Variants in RGS7 observed in about 807,000 individuals in gnomAD.
RGS7 encodes the protein regulator of G-protein signaling 7.
Under a neutral mutation model 81.1 loss-of-function variants are expected in RGS7, and 27 were observed. That is an observed-to-expected ratio of 0.33 (90% CI 0.25 to 0.46). The LOEUF is 0.46. RGS7 is among the 20% of genes least tolerant of loss of function. The pLI is 1.00. For synonymous variants in RGS7, 208 were observed against 207.7 expected, an observed-to-expected ratio of 1.00 and a Z score of -0.01; for missense variants, 396 against 607.4, an observed-to-expected ratio of 0.65 and a Z score of 3.66.
intron 3 of RGS7, among the ~76,000 whole-genome samples, chr1:241,034,401 G>A (rs1269153848): frequency 8.5e-5 from 13 of 152,170 alleles, no homozygotes. Context: ...AAGTATCACA[G>A]GGCAGGGGAA....
chr1:240,889,506 C>G (rs1004369852), intron 6 of RGS7, among the ~76,000 whole-genome samples: 12 of 152,078 alleles, frequency 7.9e-5, no homozygotes, highest in African/African-American at 2.4e-4. Flanking sequence ...GGTTCGCTAT[C>G]GCAATGGAAA....
At chr1:240,907,052 G>A (rs925654051) in intron 6 of RGS7, among the ~76,000 whole-genome samples, 17 of 152,124 alleles carry the variant, frequency 1.1e-4, no homozygotes, top group African/African-American at 4.1e-4. Flanking sequence ...ATCTTGGCTT[G>A]GTGATTCCTG....
chr1:240,946,401 G>A (rs927593337), intron 4 of RGS7, among the ~76,000 whole-genome samples: 3 of 152,040 alleles, frequency 2.0e-5, no homozygotes, highest in African/African-American at 7.2e-5. Flanking sequence ...CTAGGAGTTC[G>A]AGACCAGCCT....
intron 2 of RGS7, among the ~76,000 whole-genome samples, chr1:241,139,106 C>G (rs959687978): frequency 2.6e-5 from 4 of 152,006 alleles, no homozygotes; most frequent in African/African-American, 9.7e-5. Flanking sequence ...TTAGGTTCAT[C>G]TATGTTGTAG....
intron 4 of RGS7, among the ~76,000 whole-genome samples, chr1:240,960,160 C>CAAA (rs112575284): frequency 7.6e-6 from 1 of 131,898 alleles, no homozygotes. Context: ...CCCCCAACAC[C>CAAA]AAAAAAAAAA....
chr1:240,981,877 C>T (rs1277400706), intron 4 of RGS7, among the ~76,000 whole-genome samples: 1 of 152,122 alleles, frequency 6.6e-6, no homozygotes, highest in Non-Finnish European at 1.5e-5. Context: ...ACTGTTAATT[C>T]TAAACCATTT....
At chr1:240,849,515 T>A (rs899324545) in intron 9 of RGS7, among the ~76,000 whole-genome samples, 4 of 152,238 alleles carry the variant, frequency 2.6e-5, no homozygotes, top group African/African-American at 9.6e-5. Context: ...ATTTGTCTCC[T>A]CCAAATCTCA....
chr1:240,827,189 A>G lies in RGS7; in HGVS notation c.610-17T>C. The G allele has an allele frequency of 6.3e-7, 1 of 1,592,368 alleles. No homozygotes were observed. Among genetic ancestry groups the G allele is most frequent in the Non-Finnish European group, 8.6e-7 (1 of 1,160,196 alleles). ...ACATCCAGGCTGGGAATGGAAAAACAGAGAGACAAATGAATCTTTGGGTGT... is the reference window on the plus strand; with the variant it reads ...ACATCCAGGCTGGGAATGGAAAAACGGAGAGACAAATGAATCTTTGGGTGT... On this transcript the variant is annotated splice_polypyrimidine_tract_variant and intron_variant, in intron 9 of 18. Coordinates refer to ENST00000440928, the MANE Select transcript of RGS7 (RefSeq NM_001364886.1).
At chr1:241,096,234 A>C (rs2064244566) in intron 3 of RGS7, among the ~76,000 whole-genome samples, 1 of 152,208 alleles carries the variant, frequency 6.6e-6, no homozygotes, top group South Asian at 2.1e-4. Context: ...GAAAGCCAGC[A>C]GTCCGTTGCG....
intron 3 of RGS7, among the ~76,000 whole-genome samples, chr1:241,063,657 C>A (rs2061867997): frequency 6.6e-6 from 1 of 152,210 alleles, no homozygotes; most frequent in South Asian, 2.1e-4. Context: ...TATTTTCCAA[C>A]ATGTAACAAT....
intron 3 of RGS7, among the ~76,000 whole-genome samples, chr1:241,064,392 C>A (rs1340232541): frequency 4.2e-5 from 6 of 142,836 alleles, no homozygotes; most frequent in African/African-American, 1.6e-4. Context: ...TGGAGAACAG[C>A]CTGGGCAAGA....
chr1:240,945,793 T>C lies in RGS7; in HGVS notation c.227-9087A>G, dbSNP rs186242242. On this transcript the variant is annotated intron_variant, in intron 4 of 18. Coordinates refer to ENST00000440928, the MANE Select transcript of RGS7 (RefSeq NM_001364886.1). ...CTTTTGAATAATCTTTACAGCAAAG[T>C]ATCATTTTAAAAATCCTAGTTTATA... Among the ~76,000 whole-genome samples the C allele has an allele frequency of 1.3e-3, 199 of 152,328 alleles. 2 individuals carry two copies. The highest frequency in any genetic ancestry group is 4.6e-3 in the African/African-American group (191 of 41,578).
intron 2 of RGS7, among the ~76,000 whole-genome samples, chr1:241,147,858 G>A (rs1429212508): frequency 7.0e-5 from 8 of 114,292 alleles, no homozygotes; most frequent in East Asian, 2.8e-4. Context: ...CTCAAAATAC[G>A]TTATTTTCTT....
At chr1:241,304,787 A>G (rs1161141838) in intron 2 of RGS7, among the ~76,000 whole-genome samples, 1 of 152,234 alleles carries the variant, frequency 6.6e-6, no homozygotes, top group African/African-American at 2.4e-5. Context: ...GAAGTCTAAG[A>G]AAAAATATAT....
chr1:240,822,960 T>G lies in RGS7; in HGVS notation c.684+4138A>C, dbSNP rs1179637427. The G allele has an allele frequency of 6.1e-5, 29 of 475,802 alleles. No individual in the cohort carries two copies. In the Admixed American group the frequency reaches 9.5e-4, roughly 16 times the overall value. The allele number at this position is 475,802 out of a possible 1,614,324, so 29.5% of individuals were successfully genotyped here. On this transcript the variant is annotated intron_variant, in intron 10 of 18. Coordinates refer to ENST00000440928, the MANE Select transcript of RGS7 (RefSeq NM_001364886.1). ...AAACAGTGAACGAATAAATAATACA[T>G]TTTTTTTCATCAGGGGCTATTCATC...
At chr1:240,865,506 G>C (rs965672355) in intron 9 of RGS7, among the ~76,000 whole-genome samples, 1 of 152,162 alleles carries the variant, frequency 6.6e-6, no homozygotes, top group Non-Finnish European at 1.5e-5. Flanking sequence ...TAGCTTCCTA[G>C]CTTCACAGAT....
intron 2 of RGS7, among the ~76,000 whole-genome samples, chr1:241,233,983 T>C (rs765738786): frequency 5.3e-5 from 8 of 152,156 alleles, no homozygotes; most frequent in Non-Finnish European, 8.8e-5. Context: ...GATTTGCATT[T>C]CTTTAATCGT....
chr1:240,951,404 G>A (rs1195705597), intron 4 of RGS7, among the ~76,000 whole-genome samples: 1 of 152,124 alleles, frequency 6.6e-6, no homozygotes. Context: ...AAACATGGAA[G>A]AGTAGATGAA....
intron 6 of RGS7, among the ~76,000 whole-genome samples, chr1:240,878,585 C>A (rs1665870493): frequency 6.8e-6 from 1 of 147,408 alleles, no homozygotes; most frequent in African/African-American, 2.5e-5. Context: ...AGACTTAAGG[C>A]CCATTAATAC....
Sources: allele counts gnomAD v4.1 joint callset (sites outside exome capture counted in the v4.1 genomes callset), GRCh38; gene constraint gnomAD v4.1.1; transcripts MANE v1.5; gene names NCBI Gene and HGNC (gene_info 2026-07-23, HGNC 2026-07-21).